CCDC81: variants seen among roughly 807,000 people sequenced by gnomAD.
CCDC81 encodes coiled-coil domain-containing protein 81.
A neutral mutation model predicts 83.7 loss-of-function variants in CCDC81; 79 were observed. The ratio of observed to expected loss-of-function variants is 0.94; its 90% CI spans 0.79 to 1.14. The LOEUF is 1.14. Among genes scored for constraint, CCDC81 ranks in the 50% most tolerant of loss-of-function variants. The probability of loss-of-function intolerance (pLI) is 0.00; values close to 1 mark genes in which losing one functional copy is unlikely to be tolerated. For missense variants in CCDC81, 791 were observed against 778.1 expected, an observed-to-expected ratio of 1.02 and a Z score of -0.20; for synonymous variants, 252 against 278.1, an observed-to-expected ratio of 0.91 and a Z score of 0.93.
At chr11:86,419,011 T>C (rs912502306) in intron 13 of CCDC81, 4 of 152,214 alleles carry the variant, frequency 2.6e-5, no homozygotes, top group Admixed American at 2.0e-4. Flanking sequence ...AACCATACAA[T>C]AGCTGTTCAA....
chr11:86,422,400 A>C (rs1480488725), intron 14 of CCDC81, among the ~76,000 whole-genome samples, 174 bp from the exon 15 acceptor site: 1 of 152,158 alleles, frequency 6.6e-6, no homozygotes, highest in African/African-American at 2.4e-5. Flanking sequence ...AGAGAACGAC[A>C]AGCCAGCAGA....
intron 10 of CCDC81, 32 bp downstream of exon 10, chr11:86,409,397 C>T (rs751797503): frequency 9.0e-7 from 1 of 1,107,068 alleles, no homozygotes; most frequent in Non-Finnish European, 1.3e-6. Context: ...GTTGCTAACA[C>T]CTGGCCCATC....
intron 4 of CCDC81, 67 bp from the exon 5 acceptor site, chr11:86,395,267 A>T (rs909419974): frequency 1.6e-6 from 2 of 1,246,944 alleles, no homozygotes; most frequent in East Asian, 2.3e-5. Context: ...ATGAGCCTGC[A>T]GTTTTTAATT....
At chr11:86,375,384 T>C in intron 1 of CCDC81, 142 bp downstream of exon 1, 1 of 659,552 alleles carries the variant, frequency 1.5e-6, no homozygotes, top group South Asian at 1.8e-5. Context: ...CAGCTGGTAA[T>C]CACATCCTGC....
chr11:86,376,123 C>T (rs780334820), intron 1 of CCDC81, among the ~76,000 whole-genome samples: 5 of 152,158 alleles, frequency 3.3e-5, no homozygotes, highest in East Asian at 3.8e-4. Context: ...AGTTAACTTA[C>T]GGTGAACAAA....
intron 1 of CCDC81, among the ~76,000 whole-genome samples, chr11:86,375,964 C>A (rs1017171016): frequency 1.3e-5 from 2 of 152,176 alleles, no homozygotes; most frequent in African/African-American, 4.8e-5. Flanking sequence ...CTTTCTCTTC[C>A]CCTGCATCAC....
intron 7 of CCDC81, among the ~76,000 whole-genome samples, chr11:86,401,809 G>T (rs779689109): frequency 2.9e-4 from 44 of 152,124 alleles, no homozygotes; most frequent in Admixed American, 9.8e-4. Flanking sequence ...TCCTATAGAA[G>T]TTGACTCAAA....
intron 13 of CCDC81, among the ~76,000 whole-genome samples, chr11:86,416,105 T>A (rs983287357): frequency 3.9e-5 from 6 of 152,234 alleles, no homozygotes; most frequent in African/African-American, 1.4e-4. Context: ...TGTATCTTCT[T>A]TGGTTAAGGG....
intron 4 of CCDC81, 128 bp from the exon 5 acceptor site, chr11:86,395,206 T>C (rs1236061103): frequency 4.7e-6 from 3 of 641,482 alleles, no homozygotes; most frequent in South Asian, 2.2e-5. Flanking sequence ...TCTGGACTTA[T>C]AAGCGCTTAA....
At chr11:86,406,778 C>T (rs940344849) in intron 7 of CCDC81, among the ~76,000 whole-genome samples, 1 of 152,138 alleles carries the variant, frequency 6.6e-6, no homozygotes, top group African/African-American at 2.4e-5. Context: ...GCACTCCAGC[C>T]TGGGTGACAG....
At chr11:86,380,985 G>A (rs1335295258) in intron 1 of CCDC81, among the ~76,000 whole-genome samples, 1 of 151,656 alleles carries the variant, frequency 6.6e-6, no homozygotes, top group African/African-American at 2.4e-5. Flanking sequence ...AGTATGCCTT[G>A]TAATTTTTTC....
chr11:86,387,817 G>A (rs74469418), intron 3 of CCDC81, 145 bp downstream of exon 3: 2 of 598,072 alleles, frequency 3.3e-6, no homozygotes, highest in Non-Finnish European at 5.7e-6. Context: ...GCAGAGGGAG[G>A]GGCCAAAGTG....
At chr11:86,381,901 G>T (rs1191407615) in intron 1 of CCDC81, among the ~76,000 whole-genome samples, 2 of 152,176 alleles carry the variant, frequency 1.3e-5, no homozygotes, top group Non-Finnish European at 2.9e-5. Flanking sequence ...AGATGAAATG[G>T]ATCAGAGAGG....
At chr11:86,394,683 G>T (rs192818571) in intron 4 of CCDC81, among the ~76,000 whole-genome samples, 1 of 151,890 alleles carries the variant, frequency 6.6e-6, no homozygotes, top group East Asian at 1.9e-4. Context: ...CACTTCAAAG[G>T]CTTTTGTAAG....
rs751609993 is a variant in CCDC81, at chr11:86,386,005, G to A, written c.80-46G>A. On this transcript the variant is annotated intron_variant, in intron 1 of 14. Transcript: ENST00000445632. The stretch of plus-strand genomic sequence containing the variant: ...ATTAGCACTAAGATACTGTCACATG[G>A]GTGCGCATATAAATTGAATAATTTC... The A allele has an allele frequency of 1.0e-5, 9 of 903,996 alleles. No individual in the cohort carries two copies. The African/African-American group carries it at 1.5e-4, about 15-fold the overall frequency. The allele number at this position is 903,996 out of a possible 1,614,324, so 56.0% of individuals were successfully genotyped here.
At chr11:86,387,406 T>G in intron 2 of CCDC81, 110 bp from the exon 3 acceptor site, 2 of 997,644 alleles carry the variant, frequency 2.0e-6, no homozygotes, top group South Asian at 3.1e-5. Flanking sequence ...ATCACTGAAT[T>G]TTTAAGGCCT....
chr11:86,412,688 GT>G (rs1208415529), intron 11 of CCDC81, 129 bp downstream of exon 11: 128 of 808,092 alleles, frequency 1.6e-4, no homozygotes, highest in Non-Finnish European at 2.3e-4. Flanking sequence ...AACTAACCCA[GT>G]TAGCAGCCAG....
At chr11:86,418,892 A>G (rs7120275) in intron 13 of CCDC81, among the ~76,000 whole-genome samples, 51,840 of 152,046 alleles carry the variant, frequency 0.34, 9,327 homozygotes, top group Admixed American at 0.41. Flanking sequence ...AAAAAAATCT[A>G]CGAAAAGAAA....
At chr11:86,382,666 A>T (rs1426178651) in intron 1 of CCDC81, among the ~76,000 whole-genome samples, 2 of 152,128 alleles carry the variant, frequency 1.3e-5, no homozygotes, top group East Asian at 3.9e-4. Context: ...TGTGGGTGTG[A>T]CTGCTGAAGT....
Sources: allele counts gnomAD v4.1 joint callset (sites outside exome capture counted in the v4.1 genomes callset), GRCh38; gene constraint gnomAD v4.1.1; transcripts MANE v1.5; gene names NCBI Gene and HGNC (gene_info 2026-07-23, HGNC 2026-07-21).